Variants in NKAIN2 observed in about 807,000 individuals in gnomAD.
NKAIN2 encodes sodium/potassium-transporting ATPase subunit beta-1-interacting protein 2.
NKAIN2 carries 14 observed loss-of-function variants against 32.6 expected under a neutral mutation model. The ratio of observed to expected loss-of-function variants is 0.43; its 90% CI spans 0.28 to 0.67. The LOEUF is 0.67. Ranked by LOEUF, NKAIN2 falls within the 30% of genes least tolerant of loss-of-function variation. The pLI, the probability that NKAIN2 is intolerant of heterozygous loss-of-function variation, is 0.17. For synonymous variants in NKAIN2, 80 were observed against 87.2 expected (o/e 0.92, Z 0.46); for missense variants, 198 against 258.3 (o/e 0.77, Z 1.60).
chr6:124,172,687 C>T (rs1562400861), intron 1 of NKAIN2, among the ~76,000 whole-genome samples: 1 of 152,116 alleles, frequency 6.6e-6, no homozygotes, highest in Non-Finnish European at 1.5e-5. Context: ...GGAATCATTA[C>T]TTCTTTTTGT....
intron 1 of NKAIN2, among the ~76,000 whole-genome samples, chr6:123,846,916 G>T (rs1030448061): frequency 2.6e-5 from 4 of 151,910 alleles, no homozygotes; most frequent in African/African-American, 4.8e-5. Flanking sequence ...TCTATTCCAG[G>T]CACTGTACTG....
chr6:124,804,159 T>C (rs1780407747), intron 5 of NKAIN2, among the ~76,000 whole-genome samples: 2 of 152,230 alleles, frequency 1.3e-5, no homozygotes, highest in South Asian at 2.1e-4. Flanking sequence ...ATGTATCAAG[T>C]AGTGGCATTA....
At chr6:124,156,485 T>C (rs1453979043) in intron 1 of NKAIN2, among the ~76,000 whole-genome samples, 1 of 151,692 alleles carries the variant, frequency 6.6e-6, no homozygotes. Flanking sequence ...GGGGAAAGAG[T>C]GTGTCAGGAA....
chr6:124,353,258 C>T (rs1488898995), intron 2 of NKAIN2, among the ~76,000 whole-genome samples: 2 of 152,118 alleles, frequency 1.3e-5, no homozygotes. Context: ...TACCACTGTG[C>T]ATTGGAGAAA....
intron 3 of NKAIN2, among the ~76,000 whole-genome samples, chr6:124,559,003 G>A (rs1291891139): frequency 1.3e-5 from 2 of 152,024 alleles, no homozygotes; most frequent in South Asian, 2.1e-4. Context: ...CTTACACTGA[G>A]AGGATGGTTC....
intron 1 of NKAIN2, among the ~76,000 whole-genome samples, chr6:123,965,135 CT>C (rs1388811420): frequency 2.6e-5 from 4 of 152,072 alleles, no homozygotes; most frequent in Admixed American, 2.0e-4. Context: ...CATCCACCCC[CT>C]GGCACTGAAA....
chr6:123,892,829 A>G (rs1431122136), intron 1 of NKAIN2, among the ~76,000 whole-genome samples: 1 of 151,604 alleles, frequency 6.6e-6, no homozygotes, highest in Non-Finnish European at 1.5e-5. Context: ...CCCAATCTGT[A>G]TTCTTGTTCG....
At chr6:124,121,750 T>A (rs893900276) in intron 1 of NKAIN2, 2 of 209,932 alleles carry the variant, frequency 9.5e-6, no homozygotes, top group South Asian at 7.5e-5. Flanking sequence ...TTTAGCATGC[T>A]GTGAAGTTTA....
At chr6:124,450,727 T>A (rs1776071747) in intron 3 of NKAIN2, among the ~76,000 whole-genome samples, 1 of 151,992 alleles carries the variant, frequency 6.6e-6, no homozygotes, top group Non-Finnish European at 1.5e-5. Context: ...AATTAACTGT[T>A]CATATTTGAA....
At chr6:124,241,391 A>G (rs1398526146) in intron 1 of NKAIN2, among the ~76,000 whole-genome samples, 1 of 152,198 alleles carries the variant, frequency 6.6e-6, no homozygotes, top group Non-Finnish European at 1.5e-5. Flanking sequence ...AGAAAAAACT[A>G]CTTTAAATTT....
intron 1 of NKAIN2, among the ~76,000 whole-genome samples, chr6:124,122,375 C>G (rs1785925902): frequency 6.6e-6 from 1 of 151,984 alleles, no homozygotes; most frequent in Non-Finnish European, 1.5e-5. Flanking sequence ...TAGTTTTATT[C>G]AGTGAAATAA....
intron 3 of NKAIN2, among the ~76,000 whole-genome samples, chr6:124,439,910 C>CT (rs1396877057): frequency 6.6e-6 from 1 of 151,932 alleles, no homozygotes; most frequent in African/African-American, 2.4e-5. Context: ...GAAGCCTGCT[C>CT]TGAAGATTTC....
intron 1 of NKAIN2, among the ~76,000 whole-genome samples, chr6:124,209,989 C>CA (rs1183522613): frequency 6.6e-6 from 1 of 151,532 alleles, no homozygotes; most frequent in Admixed American, 6.6e-5. Context: ...CTTTGGTTGC[C>CA]TGTGCTTTTG....
At chr6:124,121,462 A>T (rs1354764511) in intron 1 of NKAIN2, among the ~76,000 whole-genome samples, 1 of 152,094 alleles carries the variant, frequency 6.6e-6, no homozygotes, top group East Asian at 1.9e-4. Flanking sequence ...TACATGTTGT[A>T]TTTCACTGAT....
intron 1 of NKAIN2, among the ~76,000 whole-genome samples, chr6:124,122,464 C>T (rs561446050): frequency 7.0e-4 from 106 of 151,942 alleles, no homozygotes; most frequent in Non-Finnish European, 1.1e-3. Flanking sequence ...TATAGGCTAT[C>T]GTTTTAAAGG....
At chr6:124,737,793 T>G (rs1583764797) in intron 4 of NKAIN2, among the ~76,000 whole-genome samples, 2 of 151,882 alleles carry the variant, frequency 1.3e-5, no homozygotes, top group East Asian at 3.9e-4. Context: ...AGGAACTTGT[T>G]GAGAACTGGA....
intron 4 of NKAIN2, among the ~76,000 whole-genome samples, chr6:124,768,637 A>C (rs1224829264): frequency 6.6e-6 from 1 of 152,136 alleles, no homozygotes; most frequent in African/African-American, 2.4e-5. Context: ...AGTCACCAAA[A>C]ACATACTCTC....
At position 123,870,266 on chromosome 6, in the gene NKAIN2, A is replaced by G. The variant is rs545442237; in HGVS notation, c.54+66012A>G. The stretch of plus-strand genomic sequence containing the variant: ...GGAGAAAAGCAGCCTGGGAGAAGGG[A>G]AAGCTGGTGTGTGTTGGGGGGAGTT... On this transcript the variant is annotated intron_variant, in intron 1 of 6. Transcript: ENST00000368417. 1.5e-4 allele frequency among the ~76,000 whole-genome samples: 23 copies of G among 152,240 alleles called. No homozygotes were observed. The South Asian group carries it at 4.6e-3, about 30-fold the overall frequency.
chr6:124,424,485 A>ACTC (rs1774896870), intron 3 of NKAIN2, among the ~76,000 whole-genome samples: 1 of 152,080 alleles, frequency 6.6e-6, no homozygotes, highest in Non-Finnish European at 1.5e-5. Context: ...ATCATGCTGT[A>ACTC]CATTAGAACT....
Sources: gnomAD v4.1 joint callset for allele counts (sites outside exome capture counted in the v4.1 genomes callset) on GRCh38, gnomAD v4.1.1 for gene constraint, MANE v1.5 for transcripts, NCBI Gene and HGNC (gene_info 2026-07-23, HGNC 2026-07-21) for gene names.